SETBP1: variants seen among roughly 807,000 people sequenced by gnomAD.
SETBP1 encodes the protein SET binding protein 1.
In SETBP1, 9 loss-of-function variants were observed where a neutral mutation model predicts 101.0. The ratio of observed to expected loss-of-function variants is 0.09; its 90% CI spans 0.05 to 0.16. SETBP1 has a LOEUF of 0.16. SETBP1 is among the 10% of genes least tolerant of loss of function. The pLI is 1.00. For missense variants in SETBP1, 1,858 were observed against 2,033.8 expected, an observed-to-expected ratio of 0.91 and a Z score of 1.66; for synonymous variants, 818 against 788.5, an observed-to-expected ratio of 1.04 and a Z score of -0.63.
At chr18:44,908,142 C>A (rs1239267202) in intron 3 of SETBP1, among the ~76,000 whole-genome samples, 1 of 151,958 alleles carries the variant, frequency 6.6e-6, no homozygotes, top group Non-Finnish European at 1.5e-5. Flanking sequence ...CTTACTGCAA[C>A]CTCCGCCTCC....
At chr18:44,830,878 A>G (rs1431436402) in intron 2 of SETBP1, among the ~76,000 whole-genome samples, 2 of 152,190 alleles carry the variant, frequency 1.3e-5, no homozygotes, top group Non-Finnish European at 1.5e-5. Flanking sequence ...AAAACAGTAC[A>G]TTGTGTTTTC....
At chr18:44,973,914 T>G (rs1464540511) in intron 4 of SETBP1, among the ~76,000 whole-genome samples, 1 of 152,194 alleles carries the variant, frequency 6.6e-6, no homozygotes, top group Non-Finnish European at 1.5e-5. Flanking sequence ...TAATATTCTC[T>G]GAGTCGTGCC....
chr18:44,990,166 A>T (rs2072335347), intron 4 of SETBP1, among the ~76,000 whole-genome samples: 1 of 152,166 alleles, frequency 6.6e-6, no homozygotes, highest in South Asian at 2.1e-4. Context: ...CTACCAAAAG[A>T]CTCCACCTAA....
intron 3 of SETBP1, among the ~76,000 whole-genome samples, chr18:44,930,624 G>T (rs1425332269): frequency 6.6e-6 from 1 of 152,082 alleles, no homozygotes; most frequent in East Asian, 1.9e-4. Context: ...ACCTGTTATT[G>T]GTCTATTCAG....
At position 44,952,535 on chromosome 18, in the gene SETBP1, T is replaced by C. The variant is rs769301818; in HGVS notation, c.3195T>C (p.Tyr1065=). Residue 1065 remains tyrosine (Y), a synonymous_variant, in exon 4 of 6, where the codon TAT becomes TAC. Transcript: ENST00000649279. ...CAATGCCTATGATGAACCTTGGTTA[T>C]TACGGTCAGTACCCAGCTCCTTTGT... ...YTSMPMMNLG[Y]YGQYPAPLYL... is the part of the protein sequence containing the mutation. 1.2e-6 allele frequency: 2 copies of C among 1,614,138 alleles called. No homozygotes were observed. The highest frequency in any genetic ancestry group is 1.7e-6 in the Non-Finnish European group (2 of 1,180,026).
At chr18:44,979,912 A>T (rs1207235628) in intron 4 of SETBP1, among the ~76,000 whole-genome samples, 1 of 152,248 alleles carries the variant, frequency 6.6e-6, no homozygotes, top group Non-Finnish European at 1.5e-5. Flanking sequence ...CTTCTTAATA[A>T]CTAAGTTCAT....
chr18:44,732,332 C>T (rs961207050), intron 2 of SETBP1, among the ~76,000 whole-genome samples: 11 of 152,186 alleles, frequency 7.2e-5, no homozygotes, highest in Admixed American at 2.6e-4. Context: ...TGACTGCAGA[C>T]GCCCTAAACC....
chr18:44,831,310 C>G (rs967137668), intron 2 of SETBP1, among the ~76,000 whole-genome samples: 1 of 152,168 alleles, frequency 6.6e-6, no homozygotes, highest in Admixed American at 6.5e-5. Context: ...TGTATAAAAC[C>G]AGACATGTGA....
intron 4 of SETBP1, among the ~76,000 whole-genome samples, chr18:45,016,066 A>G (rs1172081504): frequency 6.6e-6 from 1 of 152,206 alleles, no homozygotes; most frequent in African/African-American, 2.4e-5. Flanking sequence ...AAGAAAACAA[A>G]CAACAAAAGA....
chr18:44,717,695 C>T (rs1294749362), intron 2 of SETBP1, among the ~76,000 whole-genome samples: 1 of 152,194 alleles, frequency 6.6e-6, no homozygotes, highest in Non-Finnish European at 1.5e-5. Flanking sequence ...ATCCAAAAAG[C>T]TGTTCTTAAA....
intron 3 of SETBP1, among the ~76,000 whole-genome samples, chr18:44,887,453 A>G (rs2069674039): frequency 6.6e-6 from 1 of 152,156 alleles, no homozygotes; most frequent in Admixed American, 6.6e-5. Context: ...ATTTACAGCT[A>G]TCTCTGGCTA....
At chr18:44,713,353 C>A (rs1055343011) in intron 2 of SETBP1, among the ~76,000 whole-genome samples, 12 of 152,130 alleles carry the variant, frequency 7.9e-5, no homozygotes, top group African/African-American at 2.9e-4. Context: ...GGGGACGTGC[C>A]ACCTTTCGCG....
intron 1 of SETBP1, among the ~76,000 whole-genome samples, chr18:44,681,382 C>G (rs1450260293): frequency 6.6e-6 from 1 of 152,162 alleles, no homozygotes; most frequent in Non-Finnish European, 1.5e-5. Context: ...CCGGGCAGAT[C>G]TTTGGCAAGA....
intron 2 of SETBP1, among the ~76,000 whole-genome samples, chr18:44,756,075 G>C (rs1290756012): frequency 6.6e-6 from 1 of 151,986 alleles, no homozygotes; most frequent in East Asian, 1.9e-4. Context: ...ACATTAGCTG[G>C]CTGTGGTGGC....
At chr18:44,986,134 A>C (rs1000617016) in intron 4 of SETBP1, 3 of 152,206 alleles carry the variant, frequency 2.0e-5, no homozygotes, top group Admixed American at 2.0e-4. Context: ...CCTGCTACAC[A>C]CCTAAGCTAT....
In SETBP1 at chr18:44,733,343, A is replaced by C. The variant is rs369416761; in HGVS notation, c.486+31511A>C. On this transcript the variant is annotated intron_variant, in intron 2 of 5. Coordinates refer to ENST00000649279, the MANE Select transcript of SETBP1 (RefSeq NM_015559.3). ...GCTCAAATAACAAGCCCCAAATGTG[A>C]TAGCCACTCTCTGGCCCTTTGAGAG... 9.8e-5 allele frequency: 15 copies of C among 152,354 alleles called. No homozygotes were observed. The East Asian group carries it at 2.5e-3, about 25-fold the overall frequency. 9.4% of individuals were successfully genotyped at this position (152,354 alleles called of 1,614,324 possible).
rs2071307157 is a variant in SETBP1, at chr18:44,950,204, T to C, written c.864T>C (p.Gly288=). 1.2e-6 allele frequency: 2 copies of C among 1,613,706 alleles called. No homozygotes were observed. Among genetic ancestry groups the C allele is most frequent in the East Asian group, 4.5e-5 (2 of 44,852 alleles). Residue 288 remains glycine, a synonymous_variant, in exon 4 of 6, where the codon GGT becomes GGC. Coordinates refer to ENST00000649279, the MANE Select transcript of SETBP1 (RefSeq NM_015559.3). Reference sequence around the variant, plus strand: ...ATAACAAAGATCTGCTCTTGGGAGGTGTGGCTCCATCCCCAAGCAGCCACA... The same window carrying C: ...ATAACAAAGATCTGCTCTTGGGAGGCGTGGCTCCATCCCCAAGCAGCCACA... The part of the protein sequence containing the change: ...SNNNKDLLLG[G]VAPSPSSHSS...
intron 2 of SETBP1, among the ~76,000 whole-genome samples, chr18:44,798,406 G>A (rs528112035): frequency 1.3e-5 from 2 of 152,218 alleles, no homozygotes; most frequent in Admixed American, 6.5e-5. Flanking sequence ...TACAGAAATG[G>A]AAATGTCCCT....
upstream of SETBP1, chr18:44,680,216 C>T (rs1598981224): frequency 6.9e-6 from 1 of 145,318 alleles, no homozygotes; most frequent in East Asian, 2.0e-4. Context: ...CCGCCGCCTC[C>T]GCGCGCCCGG....
Sources: gnomAD v4.1 joint callset for allele counts (sites outside exome capture counted in the v4.1 genomes callset) on GRCh38, gnomAD v4.1.1 for gene constraint, MANE v1.5 for transcripts, NCBI Gene and HGNC (gene_info 2026-07-23, HGNC 2026-07-21) for gene names.